GABRA2: variants seen among roughly 807,000 people sequenced by gnomAD.
The protein encoded by GABRA2 is gamma-aminobutyric acid receptor subunit alpha-2.
A neutral mutation model predicts 48.7 loss-of-function variants in GABRA2; 16 were observed. The ratio of observed to expected loss-of-function variants is 0.33; its 90% CI spans 0.22 to 0.50. GABRA2 has a LOEUF of 0.50. Ranked by LOEUF, GABRA2 falls within the 20% of genes least tolerant of loss-of-function variation. The pLI is 0.98. For missense variants in GABRA2, 275 were observed against 535.6 expected (o/e 0.51, Z 4.80); for synonymous variants, 185 against 184.5 (o/e 1.00, Z -0.02).
In GABRA2 at chr4:46,304,453, C is replaced by G. The variant is rs372005988; in HGVS notation, c.704-841G>C. Among the ~76,000 whole-genome samples, 26 of 152,126 alleles carry G rather than the reference C, an allele frequency of 1.7e-4. No individual in the cohort carries two copies. The South Asian group carries it at 4.8e-3, about 28-fold the overall frequency. ...AATGTAAGATAATTAGTCCACACAG[C>G]TGGGTTTTTTTGTTTTTGTTTTTTT... On this transcript the variant is annotated intron_variant, in intron 7 of 9. Transcript: ENST00000381620.
intron 3 of GABRA2, among the ~76,000 whole-genome samples, chr4:46,370,517 C>T (rs968341743): frequency 2.0e-5 from 3 of 152,110 alleles, no homozygotes; most frequent in Non-Finnish European, 4.4e-5. Flanking sequence ...TTGCCATTCA[C>T]ATGCCATGTA....
intron 4 of GABRA2, among the ~76,000 whole-genome samples, chr4:46,315,890 G>A (rs1728462393): frequency 1.3e-5 from 2 of 151,100 alleles, no homozygotes; most frequent in South Asian, 4.2e-4. Context: ...TAAGTATCTT[G>A]AGTTTAGTGT....
intron 8 of GABRA2, among the ~76,000 whole-genome samples, chr4:46,284,798 A>G (rs959469422): frequency 2.0e-5 from 3 of 151,998 alleles, no homozygotes; most frequent in Non-Finnish European, 2.9e-5. Flanking sequence ...TTTAAAAAAA[A>G]TTCATTAAAA....
At chr4:46,314,809 C>T (rs752804297) in intron 4 of GABRA2, among the ~76,000 whole-genome samples, 1 of 152,030 alleles carries the variant, frequency 6.6e-6, no homozygotes, top group African/African-American at 2.4e-5. Flanking sequence ...TGCTGCAGAG[C>T]GCAAGATTTT....
At chr4:46,313,185 C>T (rs891873993) in intron 4 of GABRA2, among the ~76,000 whole-genome samples, 16 of 147,306 alleles carry the variant, frequency 1.1e-4, no homozygotes, top group African/African-American at 4.0e-4. Context: ...AAAGAAAAAA[C>T]ATAACAGAAA....
chr4:46,330,591 T>TACAGAGAGAGAGAGAG (rs1411755120), intron 4 of GABRA2, among the ~76,000 whole-genome samples: 1 of 122,690 alleles, frequency 8.2e-6, no homozygotes. Flanking sequence ...TATATATATA[T>TACAGAGAGAGAGAGAG]AGAGAGAGAG....
chr4:46,324,562 T>A (rs1730007985), intron 4 of GABRA2, among the ~76,000 whole-genome samples: 1 of 151,596 alleles, frequency 6.6e-6, no homozygotes, highest in Admixed American at 6.6e-5. Context: ...ATTATTTAGT[T>A]TTTTTTTTCT....
chr4:46,357,685 A>C (rs1337582861), intron 3 of GABRA2, among the ~76,000 whole-genome samples: 9 of 103,232 alleles, frequency 8.7e-5, no homozygotes, highest in Non-Finnish European at 1.1e-4. Flanking sequence ...TTTTTTTTTG[A>C]CAGTCTTGCT....
intron 3 of GABRA2, among the ~76,000 whole-genome samples, chr4:46,378,350 T>A (rs1322622430): frequency 6.6e-6 from 1 of 152,082 alleles, no homozygotes; most frequent in Non-Finnish European, 1.5e-5. Context: ...TGTTGATCTG[T>A]GACCTTACCC....
intron 5 of GABRA2, among the ~76,000 whole-genome samples, chr4:46,312,125 T>C (rs1362158748): frequency 6.6e-6 from 1 of 152,116 alleles, no homozygotes; most frequent in East Asian, 1.9e-4. Flanking sequence ...AATAAAGTCT[T>C]ACTTTGAAAT....
chr4:46,280,100 G>C (rs1371533867), intron 8 of GABRA2, among the ~76,000 whole-genome samples: 1 of 151,570 alleles, frequency 6.6e-6, no homozygotes, highest in Non-Finnish European at 1.5e-5. Flanking sequence ...AAAGTATAGT[G>C]GGAAAAACAG....
intron 6 of GABRA2, among the ~76,000 whole-genome samples, chr4:46,308,546 G>A (rs1227817314): frequency 6.6e-6 from 1 of 152,090 alleles, no homozygotes; most frequent in Non-Finnish European, 1.5e-5. Flanking sequence ...TATGCATCAA[G>A]CACCTACTAC....
intron 8 of GABRA2, among the ~76,000 whole-genome samples, chr4:46,289,103 G>C (rs973713264): frequency 6.6e-6 from 1 of 152,184 alleles, no homozygotes; most frequent in African/African-American, 2.4e-5. Flanking sequence ...TGCACTGTTG[G>C]TGTGAGTGTA....
rs1169169000 is a variant in GABRA2, at chr4:46,248,169, T to C, written c.*2139A>G. ...CACATATTTATAAATTTATAACTTA[T>C]AGTCAGACATTAAGGGGGCAATGCG... On this transcript the variant is annotated 3_prime_UTR_variant, in exon 10 of 10. Coordinates refer to ENST00000381620, the MANE Select transcript of GABRA2 (RefSeq NM_000807.4). Among the ~76,000 whole-genome samples the C allele has an allele frequency of 6.6e-6, 1 of 151,332 alleles. No homozygotes were observed. The highest frequency in any genetic ancestry group is 1.5e-5 in the Non-Finnish European group (1 of 67,542).
At chr4:46,258,285 A>G (rs1035774159) in intron 9 of GABRA2, among the ~76,000 whole-genome samples, 5 of 151,874 alleles carry the variant, frequency 3.3e-5, no homozygotes, top group Non-Finnish European at 7.4e-5. Context: ...ATGATCAGTG[A>G]AAGAGTTGAG....
At position 46,265,437 on chromosome 4, in the gene GABRA2, T is replaced by TATATTGTGTATATATAG. The variant is rs1560448557; in HGVS notation, c.857-3310_857-3309insCTATATATACACAATAT. On this transcript the variant is annotated intron_variant, in intron 8 of 9. Transcript: ENST00000381620. ...ATATAATATATTGTGTATATATATATAATATATTGTGTATATATATAATAT... is the reference window on the plus strand; with the variant it reads ...ATATAATATATTGTGTATATATATATATATTGTGTATATATAGAATATATTGTGTATATATATAATAT... 8.0e-5 allele frequency among the ~76,000 whole-genome samples: 10 copies of TATATTGTGTATATATAG among 124,716 alleles called. 1 individual carries two copies. Among genetic ancestry groups the TATATTGTGTATATATAG allele is most frequent in the African/African-American group, 4.0e-4 (10 of 25,152 alleles). 81.8% of individuals were successfully genotyped at this position (124,716 alleles called of 152,430 possible).
intron 1 of GABRA2, 121 bp from the exon 2 acceptor site, chr4:46,388,837 C>T (rs1457405345): frequency 6.6e-7 from 1 of 1,508,960 alleles, no homozygotes; most frequent in Middle Eastern, 2.1e-4. Context: ...ATGGAGATTA[C>T]TTCCTGGACT....
Position 46,250,490 on chromosome 4 carries a change from T to C in GABRA2, c.1174A>G (p.Thr392Ala), listed in dbSNP as rs1405947553. 3.7e-6 allele frequency: 6 copies of C among 1,612,020 alleles called. No homozygotes were observed. The highest frequency in any genetic ancestry group is 3.3e-5 in the Admixed American group (2 of 59,794). ...GGCTTCTTGTTGGGTTCTGGCGTGG[T>C]TGCACTCTTGGAGATGGTGGAGAGA... ...PVLSTISKSA[T>A]TPEPNKKPEN... The change falls in exon 10 of 10, where the codon ACC becomes GCC. Residue 392 changes from threonine (T) to alanine (A), a missense_variant. Thr to Ala is a moderately conservative substitution (Grantham distance 58). This residue lies in a region of GABRA2 where 99 missense variants were observed against 124.3 expected (regional missense o/e 0.80). Coordinates refer to ENST00000381620, the MANE Select transcript of GABRA2 (RefSeq NM_000807.4).
intron 3 of GABRA2, among the ~76,000 whole-genome samples, chr4:46,377,316 AT>A (rs1715910478): frequency 7.1e-6 from 1 of 141,198 alleles, no homozygotes; most frequent in African/African-American, 2.7e-5. Context: ...CCGCCATCCC[AT>A]CTGGGAAGTG....
Sources: allele counts gnomAD v4.1 joint callset (sites outside exome capture counted in the v4.1 genomes callset), GRCh38; gene constraint gnomAD v4.1.1; regional missense constraint gnomAD v4.1.1; transcripts MANE v1.5; gene names NCBI Gene and HGNC (gene_info 2026-07-23, HGNC 2026-07-21).